The following HPS1 variants were observed in gnomAD, a reference collection of about 807,000 sequenced individuals.
HPS1 encodes HPS1 biogenesis of lysosomal organelles complex 3 subunit 1, also known as BLOC-3 complex member HPS1.
In HPS1, 59 loss-of-function variants were observed where a neutral mutation model predicts 90.6. The observed-to-expected ratio is 0.65, with a 90% CI of 0.53 to 0.81. The LOEUF (loss-of-function observed/expected upper bound fraction) is 0.81. Among genes scored for constraint, HPS1 ranks in the 30% least tolerant of loss-of-function variants. The probability of loss-of-function intolerance (pLI) is 0.00; values close to 1 mark genes in which losing one functional copy is unlikely to be tolerated. For synonymous variants in HPS1, 388 were observed against 384.4 expected, an observed-to-expected ratio of 1.01 and a Z score of -0.11; for missense variants, 849 against 896.7, an observed-to-expected ratio of 0.95 and a Z score of 0.68.
chr10:98,429,650 G>A lies in HPS1; in HGVS notation c.868-8C>T. On this transcript the variant is annotated splice_region_variant and splice_polypyrimidine_tract_variant and intron_variant, in intron 9 of 19. Coordinates refer to ENST00000361490, the MANE Select transcript of HPS1 (RefSeq NM_000195.5). ...GGAGAAGCTGTCTGTCTCCTGGAAT[G>A]GAGAAGGTGGCTCAGGTTGAGAGGC... The A allele has an allele frequency of 6.2e-7, 1 of 1,614,206 alleles. No homozygotes were observed.
At chr10:98,442,884 C>T (rs1938695698) in intron 3 of HPS1, 5 of 548,924 alleles carry the variant, frequency 9.1e-6, no homozygotes, top group South Asian at 4.0e-5. Context: ...CTTCTTCTTG[C>T]CCTCATTTAG....
chr10:98,425,513 G>A (rs1845483884), intron 13 of HPS1, 28 bp downstream of exon 13: 14 of 1,593,420 alleles, frequency 8.8e-6, no homozygotes, highest in Non-Finnish European at 1.2e-5. Context: ...TCTTCCCCAG[G>A]TGGGGAGGAC....
downstream of HPS1, chr10:98,415,121 GC>G: frequency 6.2e-7 from 1 of 1,613,020 alleles, no homozygotes; most frequent in Non-Finnish European, 8.5e-7. Context: ...AGAGACCTCG[GC>G]CACTTGCAGC....
At chr10:98,446,375 A>C (rs986507218) in intron 1 of HPS1, among the ~76,000 whole-genome samples, 2 of 152,224 alleles carry the variant, frequency 1.3e-5, no homozygotes, top group Non-Finnish European at 2.9e-5. Flanking sequence ...GAGGGGACTC[A>C]CTGACGAAAG....
Position 98,417,675 on chromosome 10 carries a change from G to A in HPS1, c.1992C>T (p.Cys664=). 1.2e-6 allele frequency: 2 copies of A among 1,613,874 alleles called. No individual in the cohort carries two copies. Among genetic ancestry groups the A allele is most frequent in the Non-Finnish European group, 1.7e-6 (2 of 1,179,950 alleles). The change falls in exon 20 of 20, where the codon TGC becomes TGT. Residue 664 remains cysteine, a synonymous_variant. Coordinates refer to ENST00000361490, the MANE Select transcript of HPS1 (RefSeq NM_000195.5). The surrounding 1 kb of genome is among the most constrained non-coding windows in gnomAD (Gnocchi z 4.2). ...SKNRPTEAVR[C]YELLALHLSV... ...ACAGGTGCAGGGCCAGCAGCTCGTA[G>A]CACCTGACAGCCTCGGTTGGGCGGT... is the stretch of plus-strand genomic sequence containing the variant.
At position 98,416,329 on chromosome 10, in the gene HPS1, C is replaced by T. The variant is rs886046584; in HGVS notation, c.*1235G>A. 6.6e-6 allele frequency: 1 copy of T among 152,378 alleles called. No individual in the cohort carries two copies. Among genetic ancestry groups the T allele is most frequent in the Admixed American group, 6.5e-5 (1 of 15,280 alleles). The allele number at this position is 152,378 out of a possible 1,614,324, so 9.4% of individuals were successfully genotyped here. A position where few individuals can be genotyped will look rare whatever the true frequency, so the allele number is the denominator to read the frequency against. ...ATAGTAGGTGACAAAAGCAGGGGTC[C>T]TGAACAGTGGTGGGCTCAGGGGATT... On this transcript the variant is annotated 3_prime_UTR_variant, in exon 20 of 20. Coordinates refer to ENST00000361490, the MANE Select transcript of HPS1 (RefSeq NM_000195.5).
Position 98,425,822 on chromosome 10 carries a change from G to A in HPS1, c.1151C>T (p.Thr384Ile). ...LWQGINLVLL[T>I]RSPSAPLALV... Reference sequence around the variant, plus strand: ...CAGGGTGAGGGGCTCTCCTACCCTGGTCAGGAGCACCAGGTTGATGCCCTG... The same window carrying A: ...CAGGGTGAGGGGCTCTCCTACCCTGATCAGGAGCACCAGGTTGATGCCCTG... The change falls in exon 12 of 20, where the codon ACC becomes ATC. Residue 384 changes from threonine (T) to isoleucine (I), a missense_variant. Transcript: ENST00000361490. 1 of 1,613,738 alleles carries A rather than the reference G, an allele frequency of 6.2e-7. No individual in the cohort carries two copies. The highest frequency in any genetic ancestry group is 8.5e-7 in the Non-Finnish European group (1 of 1,179,814).
chr10:98,427,826 T>C (rs918210905), intron 10 of HPS1, among the ~76,000 whole-genome samples: 1 of 152,200 alleles, frequency 6.6e-6, no homozygotes, highest in Non-Finnish European at 1.5e-5. Context: ...TACTGTTACC[T>C]CTTATATTTC....
chr10:98,424,555 G>A (rs956442711), intron 13 of HPS1, among the ~76,000 whole-genome samples, 181 bp from the exon 14 acceptor site: 10 of 151,770 alleles, frequency 6.6e-5, no homozygotes, highest in African/African-American at 2.4e-4. Context: ...AGTGTGCCAT[G>A]TTCTAGTCAC....
In HPS1 at chr10:98,417,403, G is replaced by A. The variant is rs968640223; in HGVS notation, c.*161C>T. 2 of 602,178 alleles carry A rather than the reference G, an allele frequency of 3.3e-6. No individual in the cohort carries two copies. The highest frequency in any genetic ancestry group is 6.0e-5 in the Admixed American group (2 of 33,572). 37.3% of individuals were successfully genotyped at this position (602,178 alleles called of 1,614,324 possible). ...GGCCTTGCTCAGTACCTGACATGGA[G>A]GGTGGTCTAGGTGGGGTTTTAGAAG... On this transcript the variant is annotated 3_prime_UTR_variant, in exon 20 of 20. Coordinates refer to ENST00000361490, the MANE Select transcript of HPS1 (RefSeq NM_000195.5). This position sits in a 1 kb window ranked among gnomAD's most constrained non-coding sequence, Gnocchi z 4.2.
chr10:98,430,337 T>C lies in HPS1; in HGVS notation c.768+234A>G, dbSNP rs1239486323. Among the ~76,000 whole-genome samples the C allele has an allele frequency of 2.6e-5, 4 of 152,228 alleles. No homozygotes were observed. In the East Asian group the frequency reaches 7.7e-4, roughly 29 times the overall value. On this transcript the variant is annotated intron_variant, in intron 8 of 19. Coordinates refer to ENST00000361490, the MANE Select transcript of HPS1 (RefSeq NM_000195.5). The stretch of plus-strand genomic sequence containing the variant: ...ACACAGCCAGGTGTTGAAGCTGGGT[T>C]TCGAACCATGGCTGACTTGAAAAAT...
At chr10:98,418,147 T>A (rs1319481200) in intron 19 of HPS1, 28 bp downstream of exon 19, 1 of 1,475,562 alleles carries the variant, frequency 6.8e-7, no homozygotes, top group Non-Finnish European at 9.4e-7. Context: ...GGGGCATCTG[T>A]CCCCAGTGGC....
In HPS1 at chr10:98,425,418, G is replaced by A. The variant is rs567827815; in HGVS notation, c.1335+123C>T. 1.2e-4 allele frequency: 112 copies of A among 902,658 alleles called. No homozygotes were observed. The East Asian group carries it at 2.6e-3, about 21-fold the overall frequency. The allele number at this position is 902,658 out of a possible 1,614,324, so 55.9% of individuals were successfully genotyped here. ...TAGGGAAAACAAGGATCGTAGGCCCGGGGGAGGTGGAGCCCGGACAGGAAC... is the reference window on the plus strand; with the variant it reads ...TAGGGAAAACAAGGATCGTAGGCCCAGGGGAGGTGGAGCCCGGACAGGAAC... On this transcript the variant is annotated intron_variant, in intron 13 of 19. Coordinates refer to ENST00000361490, the MANE Select transcript of HPS1 (RefSeq NM_000195.5).
At chr10:98,421,144 G>A (rs914246969) in intron 17 of HPS1, among the ~76,000 whole-genome samples, 4 of 152,196 alleles carry the variant, frequency 2.6e-5, no homozygotes, top group African/African-American at 7.2e-5. Context: ...TACCCTTAAC[G>A]GGAGGGACAG....
chr10:98,429,555 C>T lies in HPS1; in HGVS notation c.937+18G>A. Reference sequence around the variant, plus strand: ...CGCAGCTAGCTATTGTTTCCTCCTGCTTTCCTCCGGTCCTCACCTGAGCTC... The same window carrying T: ...CGCAGCTAGCTATTGTTTCCTCCTGTTTTCCTCCGGTCCTCACCTGAGCTC... On this transcript the variant is annotated intron_variant, in intron 10 of 19. Coordinates refer to ENST00000361490, the MANE Select transcript of HPS1 (RefSeq NM_000195.5). The T allele has an allele frequency of 6.2e-7, 1 of 1,614,204 alleles. No individual in the cohort carries two copies. Among genetic ancestry groups the T allele is most frequent in the South Asian group, 1.1e-5 (1 of 91,080 alleles).
chr10:98,432,878 G>C, intron 6 of HPS1, among the ~76,000 whole-genome samples: 1 of 150,628 alleles, frequency 6.6e-6, no homozygotes, highest in African/African-American at 2.4e-5. Context: ...TGCTCTAGCA[G>C]TGGTTTTCAA....
Position 98,435,740 on chromosome 10 carries a change from G to A in HPS1, c.150C>T (p.Leu50=), listed in dbSNP as rs1847230089. Residue 50 remains leucine, a synonymous_variant, in exon 4 of 20, where the codon CTC becomes CTT. Coordinates refer to ENST00000361490, the MANE Select transcript of HPS1 (RefSeq NM_000195.5). This position sits in a 1 kb window ranked among gnomAD's most constrained non-coding sequence, Gnocchi z 4.3. ...LPALEDQLST[L]LAPVIISSMT... ...TGGAGGAGATGATGACCGGGGCTAG[G>A]AGGGTGCTGAGCTGGTCCTCCAGGG... is the stretch of plus-strand genomic sequence containing the variant. 6.2e-7 allele frequency: 1 copy of A among 1,614,224 alleles called. No individual in the cohort carries two copies. The highest frequency in any genetic ancestry group is 1.3e-5 in the African/African-American group (1 of 75,066).
At chr10:98,418,294 G>T in intron 18 of HPS1, 37 bp from the exon 19 acceptor site, 3 of 1,275,286 alleles carry the variant, frequency 2.4e-6, no homozygotes, top group South Asian at 2.5e-5. Context: ...GGGTGTGGGG[G>T]TAGTGCAAGG....
chr10:98,420,006 G>A, intron 18 of HPS1, 39 bp downstream of exon 18: 1 of 1,205,850 alleles, frequency 8.3e-7, no homozygotes, highest in South Asian at 1.2e-5. Flanking sequence ...CGGGAAGTGT[G>A]TGTGGCCCGT....
Sources: allele counts gnomAD v4.1 joint callset (sites outside exome capture counted in the v4.1 genomes callset), GRCh38; gene constraint gnomAD v4.1.1; non-coding constraint Gnocchi (gnomAD v3.1); transcripts MANE v1.5; gene names NCBI Gene and HGNC (gene_info 2026-07-23, HGNC 2026-07-21).